Variants in AMZ1 observed in about 807,000 individuals in gnomAD.
The protein encoded by AMZ1 is archaelysin family metallopeptidase 1.
AMZ1 carries 39 observed loss-of-function variants against 29.9 expected under a neutral mutation model. That is an observed-to-expected ratio of 1.30 (90% confidence interval 1.01 to 1.70). The LOEUF is 1.70. AMZ1 is among the 40% of genes most tolerant of loss of function. The pLI is 0.00. For synonymous variants in AMZ1, 458 were observed against 304.0 expected (o/e 1.51, Z -5.27); for missense variants, 1,041 against 680.6 (o/e 1.53, Z -5.89).
At position 2,716,886 on chromosome 7, in the gene AMZ1, GGCTGGA is replaced by G. The variant is rs1181577099; in HGVS notation, c.*4011_*4016del. On this transcript the variant is annotated 3_prime_UTR_variant, in exon 7 of 7. Coordinates refer to ENST00000683327, the MANE Select transcript of AMZ1 (RefSeq NM_001384743.1). The stretch of plus-strand genomic sequence containing the variant: ...TGGCTGTCGAGATGGGACTGGGAAG[GGCTGGA>G]GCCTCAGAAACGGCAGAGCGGAAGT... 6.6e-6 allele frequency among the ~76,000 whole-genome samples: 1 copy of G among 152,234 alleles called. No homozygotes were observed. The highest frequency in any genetic ancestry group is 1.9e-4 in the East Asian group (1 of 5,196).
In AMZ1 at chr7:2,702,889, GGTGA is replaced by G. The variant is rs1788141571; in HGVS notation, c.472+6_472+9del. 6.3e-7 allele frequency: 1 copy of G among 1,583,330 alleles called. No homozygotes were observed. The highest frequency in any genetic ancestry group is 1.7e-5 in the Admixed American group (1 of 58,052). On this transcript the variant is annotated splice_donor_variant and splice_donor_region_variant and intron_variant, in intron 3 of 6. Transcript: ENST00000683327. LOFTEE classifies it high-confidence loss of function. ...CTCTGACAGGCTCCAGCTCCACACA[GGTGA>G]GTGAGGACGGCAGCCGCCGCTCAGG...
chr7:2,696,472 T>C (rs1236614303), intron 1 of AMZ1, among the ~76,000 whole-genome samples: 1 of 150,688 alleles, frequency 6.6e-6, no homozygotes, highest in Non-Finnish European at 1.5e-5. Flanking sequence ...TTAGCCAGGA[T>C]GGTCTCGATC....
chr7:2,702,738 G>T lies in AMZ1; in HGVS notation c.321G>T (p.Pro107=). ...YLQPIDLSEE[P]VGSSLLHQLC... is the part of the protein sequence containing the mutation. Reference sequence around the variant, plus strand: ...TCCCACCAGACCTGAGCGAGGAGCCGGTGGGAAGCTCCCTGCTGCACCAGC... The same window carrying T: ...TCCCACCAGACCTGAGCGAGGAGCCTGTGGGAAGCTCCCTGCTGCACCAGC... Residue 107 remains proline, a synonymous_variant, in exon 3 of 7, where the codon CCG becomes CCT. Coordinates refer to ENST00000683327, the MANE Select transcript of AMZ1 (RefSeq NM_001384743.1). 1 of 1,536,408 alleles carries T rather than the reference G, an allele frequency of 6.5e-7. No homozygotes were observed. Among genetic ancestry groups the T allele is most frequent in the African/African-American group, 1.4e-5 (1 of 72,960 alleles).
intron 4 of AMZ1, among the ~76,000 whole-genome samples, chr7:2,737,289 G>GTTTTTTTTTTTTTTTTTTTT (rs11389467): frequency 9.6e-5 from 6 of 62,312 alleles, no homozygotes; most frequent in East Asian, 4.3e-4. Context: ...TTTTTTTTTT[G>GTTTTTTTTTTTTTTTTTTTT]TTTTTTTTTT....
chr7:2,689,616 A>G (rs1022447357), intron 1 of AMZ1, among the ~76,000 whole-genome samples: 2 of 152,178 alleles, frequency 1.3e-5, no homozygotes, highest in Non-Finnish European at 2.9e-5. Flanking sequence ...CTGTGTCGCC[A>G]GGGCCAAGTC....
intron 4 of AMZ1, among the ~76,000 whole-genome samples, chr7:2,732,126 GAATT>G: frequency 1.3e-5 from 2 of 152,246 alleles, no homozygotes; most frequent in Admixed American, 1.3e-4. Flanking sequence ...ACCTTACTGT[GAATT>G]AATTTAGGTT....
intron 3 of AMZ1, among the ~76,000 whole-genome samples, chr7:2,704,123 G>C (rs798464): frequency 6.6e-6 from 1 of 152,018 alleles, no homozygotes; most frequent in African/African-American, 2.4e-5. Flanking sequence ...TCTCCTGACC[G>C]CATGATCTGC....
chr7:2,692,764 C>T (rs1039913797), intron 1 of AMZ1, among the ~76,000 whole-genome samples: 3 of 152,164 alleles, frequency 2.0e-5, no homozygotes, highest in African/African-American at 7.2e-5. Context: ...AGCCCAGCAG[C>T]GGTTCCCCAC....
rs1789206660 is a variant in AMZ1 at position 2,717,630 on chromosome 7, G to A, written c.*4752G>A. Among the ~76,000 whole-genome samples the A allele has an allele frequency of 6.6e-6, 1 of 152,226 alleles. No individual in the cohort carries two copies. Among genetic ancestry groups the A allele is most frequent in the South Asian group, 2.1e-4 (1 of 4,834 alleles). On this transcript the variant is annotated 3_prime_UTR_variant, in exon 7 of 7. Transcript: ENST00000683327. The stretch of plus-strand genomic sequence containing the variant: ...GAGGCTGTCAAAGATAAACACCGCA[G>A]GGTAATCTAGGAAACACTTCCGGCT...
At chr7:2,697,910 C>G (rs772376092) in intron 1 of AMZ1, among the ~76,000 whole-genome samples, 1 of 152,130 alleles carries the variant, frequency 6.6e-6, no homozygotes, top group Non-Finnish European at 1.5e-5. Context: ...CCCTCCCCTA[C>G]TCTAAGCCAG....
chr7:2,719,301 T>G lies in AMZ1; in HGVS notation c.*6423T>G, dbSNP rs798558. ...AGGCAGTTGTTTCACGTGGGGCTCTTGATGGCATAACCTGATGTCTGTCAC... is the reference window on the plus strand; with the variant it reads ...AGGCAGTTGTTTCACGTGGGGCTCTGGATGGCATAACCTGATGTCTGTCAC... On this transcript the variant is annotated 3_prime_UTR_variant, in exon 7 of 7. Transcript: ENST00000683327. Among the ~76,000 whole-genome samples, 38,176 of 152,080 alleles carry G rather than the reference T, an allele frequency of 0.25. 5,298 individuals are homozygous for G. Among genetic ancestry groups the G allele is most frequent in the Non-Finnish European group, 0.29 (19,958 of 67,952 alleles).
chr7:2,708,270 C>T (rs759952830), intron 3 of AMZ1, among the ~76,000 whole-genome samples: 5 of 152,200 alleles, frequency 3.3e-5, no homozygotes, highest in Non-Finnish European at 5.9e-5. Context: ...GGGGCTGTCG[C>T]TCAGCTGCTG....
In AMZ1 at chr7:2,714,350, T is replaced by A. The variant is rs1379851115; in HGVS notation, c.*1472T>A. 6.6e-6 allele frequency: 1 copy of A among 152,410 alleles called. No individual in the cohort carries two copies. The highest frequency in any genetic ancestry group is 1.5e-5 in the Non-Finnish European group (1 of 68,072). The allele number at this position is 152,410 out of a possible 1,614,324, so 9.4% of individuals were successfully genotyped here. On this transcript the variant is annotated 3_prime_UTR_variant, in exon 7 of 7. Transcript: ENST00000683327. Reference sequence around the variant, plus strand: ...GTGGGCTGAGGCTTCCTTGTGAATCTGACATTGGTGGAGGCCGACTGAAGG... The same window carrying A: ...GTGGGCTGAGGCTTCCTTGTGAATCAGACATTGGTGGAGGCCGACTGAAGG...
chr7:2,722,606 C>T (rs2115247786), downstream of AMZ1, among the ~76,000 whole-genome samples: 2 of 152,288 alleles, frequency 1.3e-5, no homozygotes, highest in Middle Eastern at 3.4e-3. Context: ...ATTTGCCTGA[C>T]AGGTCAAAAG....
chr7:2,723,617 C>A (rs978467223), downstream of AMZ1, among the ~76,000 whole-genome samples: 2 of 152,186 alleles, frequency 1.3e-5, no homozygotes, highest in African/African-American at 2.4e-5. Flanking sequence ...GGCCACAGCC[C>A]TGCATGCCCC....
Position 2,708,714 on chromosome 7 carries a change from A to G in AMZ1, c.599A>G (p.His200Arg), listed in dbSNP as rs755851722. The change falls in exon 4 of 7, where the codon CAC becomes CGC. Residue 200 changes from histidine (H) to arginine (R), a missense_variant and splice_region_variant. Physicochemically the swap from His to Arg is conservative, Grantham distance 29. Coordinates refer to ENST00000683327, the MANE Select transcript of AMZ1 (RefSeq NM_001384743.1). ...SFTFSKFLPG[H>R]EVGVCSFARF... is the part of the protein sequence containing the mutation. The stretch of plus-strand genomic sequence containing the variant: ...ACCTTCAGCAAGTTCCTTCCAGGGC[A>G]CGGTGAGCCGGGGCCCCAGCAGCTG... 1.2e-6 allele frequency: 2 copies of G among 1,612,596 alleles called. No individual in the cohort carries two copies. The highest frequency in any genetic ancestry group is 2.2e-5 in the South Asian group (2 of 91,066).
At chr7:2,723,527 G>A (rs1364666042), downstream of AMZ1, among the ~76,000 whole-genome samples, 1 of 152,232 alleles carries the variant, frequency 6.6e-6, no homozygotes, top group African/African-American at 2.4e-5. Context: ...TCACCCCGAG[G>A]CTGCGGGAGA....
At chr7:2,733,848 G>A (rs542212627) in intron 4 of AMZ1, among the ~76,000 whole-genome samples, 2 of 152,320 alleles carry the variant, frequency 1.3e-5, no homozygotes, top group South Asian at 4.1e-4. Context: ...GCCAGCAAAG[G>A]ACAGGCTAGA....
chr7:2,684,177 C>CA (rs34409824), upstream of AMZ1, among the ~76,000 whole-genome samples: 35 of 147,176 alleles, frequency 2.4e-4, no homozygotes, highest in South Asian at 8.6e-4. Flanking sequence ...GACTCCATCT[C>CA]AAAAAAAAAA....
Sources: allele counts gnomAD v4.1 joint callset (sites outside exome capture counted in the v4.1 genomes callset), GRCh38; gene constraint gnomAD v4.1.1; transcripts MANE v1.5; gene names NCBI Gene and HGNC (gene_info 2026-07-23, HGNC 2026-07-21).